Variants in STEAP1B observed in about 807,000 individuals in gnomAD.
STEAP1B encodes the protein STEAP family protein MGC87042.
Under a neutral mutation model 27.9 loss-of-function variants are expected in STEAP1B, and 13 were observed. The observed-to-expected ratio is 0.47, with a 90% confidence interval of 0.30 to 0.74. The LOEUF (loss-of-function observed/expected upper bound fraction) is 0.74. STEAP1B is among the 30% of genes least tolerant of loss of function. The probability of loss-of-function intolerance (pLI) is 0.06; values close to 1 mark genes in which losing one functional copy is unlikely to be tolerated. For missense variants in STEAP1B, 250 were observed against 298.7 expected (o/e 0.84, Z 1.20); for synonymous variants, 86 against 107.1 (o/e 0.80, Z 1.22).
intron 4 of STEAP1B, among the ~76,000 whole-genome samples, chr7:22,429,496 G>A (rs1406539980): frequency 3.3e-5 from 5 of 152,024 alleles, no homozygotes; most frequent in Non-Finnish European, 1.5e-5. Flanking sequence ...TGAAGAGTGG[G>A]TATTACTAAA....
At position 22,419,785 on chromosome 7, in the gene STEAP1B, A is replaced by G. The variant is rs760272322; in HGVS notation, c.*19T>C. The G allele has an allele frequency of 7.7e-6, 12 of 1,549,160 alleles. No individual in the cohort carries two copies. The South Asian group carries it at 1.4e-4, about 19-fold the overall frequency. On this transcript the variant is annotated 3_prime_UTR_variant, in exon 5 of 5. Transcript: ENST00000678116. ...CAAAGCCTCGTTCTCATTTCCTCTC[A>G]TGTTACTGGCAGGATCTGTCACAAG...
intron 4 of STEAP1B, among the ~76,000 whole-genome samples, chr7:22,452,443 C>A (rs1261685316): frequency 6.6e-6 from 1 of 151,990 alleles, no homozygotes; most frequent in East Asian, 1.9e-4. Context: ...GCGCCATACA[C>A]CAAACCCAAA....
At chr7:22,442,948 C>T (rs1252795119) in intron 4 of STEAP1B, among the ~76,000 whole-genome samples, 1 of 152,168 alleles carries the variant, frequency 6.6e-6, no homozygotes. Flanking sequence ...CTCACCCCTA[C>T]CCCCTTCCCT....
chr7:22,480,765 C>G (rs147383391), intron 4 of STEAP1B, among the ~76,000 whole-genome samples: 39 of 152,262 alleles, frequency 2.6e-4, no homozygotes, highest in African/African-American at 9.4e-4. Flanking sequence ...GATGCTATCT[C>G]CCGTCAGAAA....
chr7:22,498,166 C>G (rs1461899368), intron 1 of STEAP1B, among the ~76,000 whole-genome samples: 1 of 152,218 alleles, frequency 6.6e-6, no homozygotes, highest in African/African-American at 2.4e-5. Flanking sequence ...AGCCCAGTTC[C>G]TAACAGGACA....
chr7:22,452,553 T>C (rs532829882), intron 4 of STEAP1B, among the ~76,000 whole-genome samples: 4 of 152,106 alleles, frequency 2.6e-5, no homozygotes, highest in South Asian at 2.1e-4. Flanking sequence ...TGCAAGGCAA[T>C]AAATTAACAA....
intron 4 of STEAP1B, among the ~76,000 whole-genome samples, chr7:22,427,282 T>C (rs896024318): frequency 1.3e-5 from 2 of 152,100 alleles, no homozygotes; most frequent in African/African-American, 2.4e-5. Flanking sequence ...TTATGGACAA[T>C]AGGCCAAGCA....
chr7:22,443,610 A>G (rs1263891578), intron 4 of STEAP1B, among the ~76,000 whole-genome samples: 1 of 152,236 alleles, frequency 6.6e-6, no homozygotes, highest in African/African-American at 2.4e-5. Context: ...TACAAGAAAC[A>G]TAACTTCCGC....
At chr7:22,482,017 T>C (rs145447296) in intron 4 of STEAP1B, among the ~76,000 whole-genome samples, 98 of 152,322 alleles carry the variant, frequency 6.4e-4, no homozygotes, top group African/African-American at 2.1e-3. Context: ...GGCCACTGTG[T>C]TCTCTCTGGA....
intron 4 of STEAP1B, among the ~76,000 whole-genome samples, chr7:22,425,987 C>A (rs1033828599): frequency 4.6e-5 from 7 of 152,090 alleles, no homozygotes; most frequent in African/African-American, 1.4e-4. Context: ...TGTTTTTCTT[C>A]TTTTTTGTCC....
intron 4 of STEAP1B, among the ~76,000 whole-genome samples, chr7:22,460,845 T>C (rs150644893): frequency 1.5e-3 from 223 of 152,314 alleles, no homozygotes; most frequent in African/African-American, 5.0e-3. Flanking sequence ...TTCAGCTCAT[T>C]ATATACATAT....
intron 4 of STEAP1B, among the ~76,000 whole-genome samples, chr7:22,478,341 A>G (rs1786009377): frequency 6.6e-6 from 1 of 152,234 alleles, no homozygotes; most frequent in African/African-American, 2.4e-5. Context: ...CAAAGATTCC[A>G]GCTCTCACCC....
At chr7:22,434,558 T>C (rs996104825) in intron 4 of STEAP1B, among the ~76,000 whole-genome samples, 3 of 152,190 alleles carry the variant, frequency 2.0e-5, no homozygotes, top group African/African-American at 4.8e-5. Flanking sequence ...GAAGATAATA[T>C]GTGAGACTAA....
chr7:22,456,017 A>G (rs1268713394), intron 4 of STEAP1B, among the ~76,000 whole-genome samples: 38 of 152,098 alleles, frequency 2.5e-4, no homozygotes, highest in Non-Finnish European at 2.2e-4. Flanking sequence ...CCTGGTGGTG[A>G]GCGCCTGTAG....
In STEAP1B at chr7:22,492,593, A is replaced by G; in HGVS notation, c.734T>C (p.Leu245Ser). 4 of 1,608,366 alleles carry G rather than the reference A, an allele frequency of 2.5e-6. No individual in the cohort carries two copies. Among genetic ancestry groups the G allele is most frequent in the Non-Finnish European group, 3.4e-6 (4 of 1,178,520 alleles). The change falls in exon 4 of 5, where the codon TTG becomes TCG. Residue 245 changes from leucine to serine, a missense_variant. Leu to Ser is a moderately radical substitution (Grantham distance 145). Coordinates refer to ENST00000678116, the MANE Select transcript of STEAP1B (RefSeq NM_001382447.1). Reference sequence around the variant, plus strand: ...AATATAGTGAAATTCTCTCCATGTCAAAGAGTCACTCACAGATGGAATAGA... The same window carrying G: ...AATATAGTGAAATTCTCTCCATGTCGAAGAGTCACTCACAGATGGAATAGA... ...VTSIPSVSDS[L>S]TWREFHYIQV...
intron 4 of STEAP1B, among the ~76,000 whole-genome samples, chr7:22,456,973 T>TATATATATATATATATATA (rs1554285707): frequency 1.9e-4 from 11 of 59,272 alleles, no homozygotes; most frequent in Admixed American, 7.4e-4. Flanking sequence ...TATATATATA[T>TATATATATATATATATATA]TTTTTTTTTT....
At chr7:22,425,832 G>C (rs1785098776) in intron 4 of STEAP1B, among the ~76,000 whole-genome samples, 1 of 152,140 alleles carries the variant, frequency 6.6e-6, no homozygotes, top group African/African-American at 2.4e-5. Flanking sequence ...ATAGCAAAGG[G>C]GCAGATTCTG....
intron 1 of STEAP1B, 33 bp downstream of exon 1, chr7:22,500,081 A>G (rs1000324649): frequency 4.6e-5 from 7 of 153,160 alleles, no homozygotes; most frequent in African/African-American, 1.7e-4. Flanking sequence ...CTCGAGGAGC[A>G]AACGGCCAGT....
rs117043981 is a variant in STEAP1B, at chr7:22,467,625, T to G, written c.762+24940A>C. On this transcript the variant is annotated intron_variant, in intron 4 of 4. Transcript: ENST00000678116. ...TGGTAGTGAGTTAAGTCTCTCAAGA[T>G]CTGATCATTTTATAAGGGGAAACCC... Among the ~76,000 whole-genome samples, 82 of 152,298 alleles carry G rather than the reference T, an allele frequency of 5.4e-4. No individual in the cohort carries two copies. The East Asian group carries it at 0.013, about 25-fold the overall frequency.
Sources: allele counts gnomAD v4.1 joint callset (sites outside exome capture counted in the v4.1 genomes callset), GRCh38; gene constraint gnomAD v4.1.1; transcripts MANE v1.5; gene names NCBI Gene and HGNC (gene_info 2026-07-23, HGNC 2026-07-21).